RSF1: variants seen among roughly 807,000 people sequenced by gnomAD.
RSF1 encodes HBV pX-associated protein 8.
A neutral mutation model predicts 145.2 loss-of-function variants in RSF1; 13 were observed. The observed-to-expected ratio is 0.09, with a 90% CI of 0.06 to 0.14. The LOEUF is 0.14. Ranked by LOEUF, RSF1 falls within the 10% of genes least tolerant of loss-of-function variation. The pLI, the probability that RSF1 is intolerant of heterozygous loss-of-function variation, is 1.00. For synonymous variants in RSF1, 577 were observed against 592.6 expected (o/e 0.97, Z 0.38); for missense variants, 1,517 against 1,718.2 (o/e 0.88, Z 2.07).
Position 77,666,896 on chromosome 11 carries a change from C to T in RSF1, c.*21G>A, listed in dbSNP as rs1959375376. The T allele has an allele frequency of 1.3e-6, 2 of 1,500,230 alleles. No individual in the cohort carries two copies. The highest frequency in any genetic ancestry group is 1.8e-6 in the Non-Finnish European group (2 of 1,120,372). 92.9% of individuals were successfully genotyped at this position (1,500,230 alleles called of 1,614,324 possible). The stretch of plus-strand genomic sequence containing the variant: ...TGAGAGCTACCGTGGAATAAATTAG[C>T]ACAAAAATGGAAAAAAAGTCTTATA... On this transcript the variant is annotated 3_prime_UTR_variant, in exon 16 of 16. Transcript: ENST00000308488.
chr11:77,679,024 A>T (rs1436433241), intron 11 of RSF1, among the ~76,000 whole-genome samples: 2 of 152,232 alleles, frequency 1.3e-5, no homozygotes. Flanking sequence ...GCCAGATGGT[A>T]AATATTTTAG....
chr11:77,741,042 C>A, intron 3 of RSF1, 106 bp from the exon 4 acceptor site: 2 of 788,578 alleles, frequency 2.5e-6, no homozygotes, highest in South Asian at 3.2e-5. Flanking sequence ...GTGGACAGAA[C>A]ACAAATACTG....
At chr11:77,760,452 T>C (rs1948159802) in intron 2 of RSF1, among the ~76,000 whole-genome samples, 1 of 152,186 alleles carries the variant, frequency 6.6e-6, no homozygotes, top group African/African-American at 2.4e-5. Context: ...CAAGGCTTCT[T>C]ACTGAGATGT....
the RSF1 span, among the ~76,000 whole-genome samples, chr11:77,852,693 C>T: frequency 5.3e-5 from 8 of 152,006 alleles, no homozygotes; most frequent in South Asian, 2.1e-4. Context: ...TATTAGTTTC[C>T]GGTTTATCCT....
At chr11:77,861,172 C>T in the RSF1 span, among the ~76,000 whole-genome samples, 1 of 152,100 alleles carries the variant, frequency 6.6e-6, no homozygotes, top group African/African-American at 2.4e-5. Context: ...AAGCAGGGGA[C>T]AACAAATGGG....
intron 7 of RSF1, among the ~76,000 whole-genome samples, chr11:77,697,693 A>AT (rs1960315994): frequency 6.6e-6 from 1 of 151,160 alleles, no homozygotes; most frequent in Non-Finnish European, 1.5e-5. Flanking sequence ...AATTAAAAAA[A>AT]ATTTTTTATG....
intron 7 of RSF1, among the ~76,000 whole-genome samples, chr11:77,694,782 T>C (rs1365628032): frequency 1.3e-5 from 2 of 152,220 alleles, no homozygotes; most frequent in African/African-American, 4.8e-5. Flanking sequence ...TTCAGTTATG[T>C]TTTGTTAGTA....
At chr11:77,756,121 T>C (rs1948113081) in intron 2 of RSF1, among the ~76,000 whole-genome samples, 1 of 151,778 alleles carries the variant, frequency 6.6e-6, no homozygotes, top group South Asian at 2.1e-4. Flanking sequence ...ACTTTGGGAG[T>C]GCAAGGCGGG....
chr11:77,774,343 C>T (rs1356430914), intron 1 of RSF1, among the ~76,000 whole-genome samples: 1 of 152,148 alleles, frequency 6.6e-6, no homozygotes, highest in Non-Finnish European at 1.5e-5. Flanking sequence ...TAGCTCACGC[C>T]TGTAATCCCA....
intron 1 of RSF1, among the ~76,000 whole-genome samples, chr11:77,780,794 C>T (rs1462249276): frequency 2.1e-5 from 3 of 140,062 alleles, no homozygotes; most frequent in Non-Finnish European, 3.0e-5. Context: ...CACTGCACTA[C>T]AGCCTGGGTG....
rs1364967668 is a variant in RSF1, at chr11:77,662,813, G to A, written c.*4104C>T. On this transcript the variant is annotated 3_prime_UTR_variant, in exon 16 of 16. Transcript: ENST00000308488. ...GGGCTAGGTAGATTACAGCAGATATGCAGCCTTGGCATTCTCTGCTTCTTC... is the reference window on the plus strand; with the variant it reads ...GGGCTAGGTAGATTACAGCAGATATACAGCCTTGGCATTCTCTGCTTCTTC... 1 of 152,138 alleles carries A rather than the reference G, an allele frequency of 6.6e-6. No individual in the cohort carries two copies. Among genetic ancestry groups the A allele is most frequent in the African/African-American group, 2.4e-5 (1 of 41,442 alleles). 9.4% of individuals were successfully genotyped at this position (152,138 alleles called of 1,614,324 possible). A position where few individuals can be genotyped will look rare whatever the true frequency, so the allele number is the denominator to read the frequency against.
chr11:77,807,516 A>C (rs1948688827), intron 1 of RSF1, among the ~76,000 whole-genome samples: 1 of 152,254 alleles, frequency 6.6e-6, no homozygotes, highest in African/African-American at 2.4e-5. Context: ...AAGGATGGAA[A>C]GGAACACACC....
chr11:77,686,408 C>CAAAAAAAAA (rs564410248), intron 9 of RSF1, among the ~76,000 whole-genome samples: 625 of 37,004 alleles, frequency 0.017, 116 homozygotes, highest in African/African-American at 0.058. Flanking sequence ...GACCCTGTCT[C>CAAAAAAAAA]AAAAAAAAAA....
At position 77,820,512 on chromosome 11, in the gene RSF1, C is replaced by T. The variant is rs1317750976; in HGVS notation, c.187+16G>A. On this transcript the variant is annotated intron_variant, in intron 1 of 15. Transcript: ENST00000308488. ...CCAGGGCCGCTTCCCGCCGGGCGTT[C>T]GGGCCCCTCGCTTACCTTCTCCGTT... 1.3e-6 allele frequency: 2 copies of T among 1,546,382 alleles called. No homozygotes were observed. Among genetic ancestry groups the T allele is most frequent in the South Asian group, 1.2e-5 (1 of 83,840 alleles).
upstream of RSF1, chr11:77,821,017 A>C: frequency 8.1e-6 from 3 of 369,516 alleles, no homozygotes; most frequent in East Asian, 4.7e-5. Context: ...AATGAAAACA[A>C]GGGAAGCGGG....
Position 77,701,498 on chromosome 11 carries a change from C to A in RSF1, c.1731G>T (p.Lys577Asn). The A allele has an allele frequency of 6.8e-6, 11 of 1,614,012 alleles. No homozygotes were observed. Among genetic ancestry groups the A allele is most frequent in the Non-Finnish European group, 7.6e-6 (9 of 1,179,990 alleles). Residue 577 changes from lysine to asparagine, a missense_variant, in exon 6 of 16, where the codon AAG becomes AAT. Transcript: ENST00000308488. Reference sequence around the variant, plus strand: ...CAAGACATTCTAGGATTGGTGGGCGCTTATCCTTCTTAGTTTTGGGAGACT... The same window carrying A: ...CAAGACATTCTAGGATTGGTGGGCGATTATCCTTCTTAGTTTTGGGAGACT... Reference protein sequence around the residue: ...EEKSPKTKKDKRPPILECLEK... With the variant: ...EEKSPKTKKDNRPPILECLEK...
At chr11:77,782,039 TATG>T (rs1192301701) in intron 1 of RSF1, among the ~76,000 whole-genome samples, 1 of 152,252 alleles carries the variant, frequency 6.6e-6, no homozygotes, top group Non-Finnish European at 1.5e-5. Context: ...CCAGCTTTCT[TATG>T]ATGAGTTTTG....
the RSF1 span, among the ~76,000 whole-genome samples, chr11:77,870,459 C>G: frequency 1.3e-5 from 2 of 150,692 alleles, no homozygotes; most frequent in African/African-American, 4.9e-5. Flanking sequence ...GTCTCAGCCT[C>G]CCGAGTAGCT....
At chr11:77,838,648 G>C in the RSF1 span, among the ~76,000 whole-genome samples, 1 of 131,106 alleles carries the variant, frequency 7.6e-6, no homozygotes, top group Non-Finnish European at 1.5e-5. Context: ...ACAGAGTCTC[G>C]CTCTTTTGCC....
Sources: allele counts gnomAD v4.1 joint callset (sites outside exome capture counted in the v4.1 genomes callset), GRCh38; gene constraint gnomAD v4.1.1; transcripts MANE v1.5; gene names NCBI Gene and HGNC (gene_info 2026-07-23, HGNC 2026-07-21).